Variants in CCDC171 observed in about 807,000 individuals in gnomAD.
CCDC171 encodes coiled-coil domain containing 171, also known as coiled-coil domain-containing protein 171.
CCDC171 carries 177 observed loss-of-function variants against 168.2 expected under a neutral mutation model. That is an observed-to-expected ratio of 1.05 (90% confidence interval 0.93 to 1.19). The LOEUF (loss-of-function observed/expected upper bound fraction) is 1.19, where lower values mean the gene tolerates loss of function less well. Ranked by LOEUF, CCDC171 falls within the 50% of genes most tolerant of loss-of-function variation. CCDC171 has a pLI of 0.00. For missense variants in CCDC171, 1,991 were observed against 1,539.0 expected (o/e 1.29, Z -4.91); for synonymous variants, 687 against 540.8 (o/e 1.27, Z -3.75).
At chr9:15,695,769 C>G (rs2051166319) in intron 11 of CCDC171, among the ~76,000 whole-genome samples, 1 of 152,150 alleles carries the variant, frequency 6.6e-6, no homozygotes, top group African/African-American at 2.4e-5. Flanking sequence ...CTATACTTTC[C>G]AAGCCGGTTT....
chr9:15,573,900 A>C (rs1057002856), intron 3 of CCDC171, among the ~76,000 whole-genome samples: 3 of 152,004 alleles, frequency 2.0e-5, no homozygotes, highest in South Asian at 2.1e-4. Context: ...GTATCTACAA[A>C]AAATAAAATA....
At chr9:15,562,120 G>C (rs1200465890) in intron 1 of CCDC171, among the ~76,000 whole-genome samples, 12 of 152,104 alleles carry the variant, frequency 7.9e-5, no homozygotes, top group Admixed American at 7.2e-4. Context: ...TCAACCTCCT[G>C]AGTAGCTGGG....
Position 15,678,915 on chromosome 9 carries a change from A to G in CCDC171, c.1215+19A>G, listed in dbSNP as rs200026340. The G allele has an allele frequency of 6.2e-4, 966 of 1,552,034 alleles. 12 individuals are homozygous for G. The highest frequency in any genetic ancestry group is 2.7e-3 in the Middle Eastern group (16 of 5,828). ...AGTAATGGTAAGGATAAAAAAGAAA[A>G]CCCTATGGAAATCACTTTATTAGGT... On this transcript the variant is annotated intron_variant, in intron 10 of 25. Transcript: ENST00000380701.
chr9:16,029,280 T>G (rs567655653), intron 6 of CCDC171, among the ~76,000 whole-genome samples: 4 of 149,172 alleles, frequency 2.7e-5, no homozygotes, highest in Non-Finnish European at 6.0e-5. Flanking sequence ...CCATAATTCA[T>G]GCCCACAAAA....
Position 15,819,782 on chromosome 9 carries a change from G to A in CCDC171, c.3268-26920G>A, listed in dbSNP as rs566006457. 5.1e-5 allele frequency among the ~76,000 whole-genome samples: 6 copies of A among 116,524 alleles called. 2 individuals are homozygous for A. Among genetic ancestry groups the A allele is most frequent in the East Asian group, 2.1e-4 (1 of 4,692 alleles). The allele number at this position is 116,524 out of a possible 152,430, so 76.4% of individuals were successfully genotyped here. ...CACTGTCAATATTAGACAGATCAACGAGACAGAAAGTTAACAAGGATATCC... is the reference window on the plus strand; with the variant it reads ...CACTGTCAATATTAGACAGATCAACAAGACAGAAAGTTAACAAGGATATCC... On this transcript the variant is annotated intron_variant, in intron 21 of 25. Coordinates refer to ENST00000380701, the MANE Select transcript of CCDC171 (RefSeq NM_173550.4).
At chr9:15,730,515 G>A (rs189403899) in intron 16 of CCDC171, among the ~76,000 whole-genome samples, 22 of 151,810 alleles carry the variant, frequency 1.4e-4, no homozygotes, top group Non-Finnish European at 1.2e-4. Context: ...CCTAAGTTAG[G>A]ATACTTAGGA....
intron 24 of CCDC171, among the ~76,000 whole-genome samples, chr9:15,918,987 G>A (rs1411962335): frequency 1.3e-5 from 2 of 151,632 alleles, no homozygotes; most frequent in East Asian, 1.9e-4. Flanking sequence ...CTCCAAATAT[G>A]TATAGGCAGA....
At chr9:15,653,065 C>T (rs1478178508) in intron 7 of CCDC171, among the ~76,000 whole-genome samples, 1 of 152,116 alleles carries the variant, frequency 6.6e-6, no homozygotes, top group African/African-American at 2.4e-5. Flanking sequence ...CTCCCACTTC[C>T]CATTTACTTT....
At chr9:15,784,426 A>G (rs2057829597) in intron 20 of CCDC171, 83 bp from the exon 21 acceptor site, 7 of 817,372 alleles carry the variant, frequency 8.6e-6, no homozygotes, top group African/African-American at 1.7e-5. Flanking sequence ...TGTTTGTATT[A>G]TATTCCTTTA....
chr9:15,731,705 C>T (rs369325230), intron 16 of CCDC171, among the ~76,000 whole-genome samples: 48 of 152,102 alleles, frequency 3.2e-4, no homozygotes, highest in Admixed American at 2.0e-3. Flanking sequence ...TTATTTCTCT[C>T]GCTTAATTAC....
chr9:15,621,375 G>A (rs890262811), intron 6 of CCDC171, among the ~76,000 whole-genome samples: 1 of 152,056 alleles, frequency 6.6e-6, no homozygotes, highest in African/African-American at 2.4e-5. Context: ...GCAATTTTTT[G>A]GAAACCAAAA....
chr9:15,738,914 T>C (rs2054665814), intron 16 of CCDC171, among the ~76,000 whole-genome samples: 1 of 152,230 alleles, frequency 6.6e-6, no homozygotes, highest in Admixed American at 6.5e-5. Context: ...AACACTGTGC[T>C]AAGCAAAGTC....
intron 11 of CCDC171, among the ~76,000 whole-genome samples, chr9:15,715,697 T>G (rs1247466263): frequency 6.6e-6 from 1 of 152,204 alleles, no homozygotes; most frequent in Non-Finnish European, 1.5e-5. Context: ...TGGGATCTTG[T>G]AGAAAAATGA....
chr9:15,919,697 G>A (rs1340792916), intron 24 of CCDC171, among the ~76,000 whole-genome samples: 1 of 151,398 alleles, frequency 6.6e-6, no homozygotes, highest in Non-Finnish European at 1.5e-5. Flanking sequence ...ACTTGCTTAT[G>A]TTAATTGTTT....
intron 23 of CCDC171, among the ~76,000 whole-genome samples, chr9:15,856,164 T>C (rs1374522539): frequency 6.6e-6 from 1 of 151,932 alleles, no homozygotes; most frequent in East Asian, 1.9e-4. Context: ...TAGAAAAAAT[T>C]TTAATTTTAT....
At chr9:15,929,310 T>C (rs568231078) in intron 25 of CCDC171, among the ~76,000 whole-genome samples, 1 of 151,844 alleles carries the variant, frequency 6.6e-6, no homozygotes, top group South Asian at 2.1e-4. Flanking sequence ...CTTCTGAGTG[T>C]CTCCCCTACT....
chr9:15,719,580 T>C (rs79043310), intron 11 of CCDC171, among the ~76,000 whole-genome samples: 3,969 of 152,208 alleles, frequency 0.026, 202 homozygotes, highest in African/African-American at 0.091. Flanking sequence ...ATTTAATAAT[T>C]TAGCCATAGC....
At chr9:15,945,371 TTA>T (rs2132357195) in intron 25 of CCDC171, among the ~76,000 whole-genome samples, 1 of 148,466 alleles carries the variant, frequency 6.7e-6, no homozygotes, top group Admixed American at 6.9e-5. Flanking sequence ...GCAGCATGAT[TTA>T]TAGTCCTTTG....
intron 1 of CCDC171, among the ~76,000 whole-genome samples, chr9:15,563,284 A>G (rs552429034): frequency 1.4e-3 from 215 of 151,950 alleles, no homozygotes; most frequent in African/African-American, 4.7e-3. Context: ...GATTACAGGC[A>G]TGTGCCACCC....
Sources: gnomAD v4.1 joint callset for allele counts (sites outside exome capture counted in the v4.1 genomes callset) on GRCh38, gnomAD v4.1.1 for gene constraint, MANE v1.5 for transcripts, NCBI Gene and HGNC (gene_info 2026-07-23, HGNC 2026-07-21) for gene names.